PPM1E: variants seen among roughly 807,000 people sequenced by gnomAD.
PPM1E encodes protein phosphatase, Mg2+/Mn2+ dependent 1E.
A neutral mutation model predicts 65.9 loss-of-function variants in PPM1E; 20 were observed. The observed-to-expected ratio is 0.30, with a 90% CI of 0.21 to 0.44. PPM1E has a LOEUF of 0.44. PPM1E is among the 20% of genes least tolerant of loss of function. The pLI is 1.00. For synonymous variants in PPM1E, 352 were observed against 374.9 expected (o/e 0.94, Z 0.70); for missense variants, 713 against 953.1 (o/e 0.75, Z 3.32).
intron 1 of PPM1E, among the ~76,000 whole-genome samples, chr17:58,798,598 A>G (rs558858759): frequency 4.7e-4 from 59 of 125,352 alleles, no homozygotes; most frequent in East Asian, 1.1e-3. Flanking sequence ...ATGAATATCT[A>G]TTTTTTTCTT....
At chr17:58,892,786 G>T (rs888424702) in intron 1 of PPM1E, among the ~76,000 whole-genome samples, 7 of 152,012 alleles carry the variant, frequency 4.6e-5, no homozygotes, top group African/African-American at 1.7e-4. Flanking sequence ...CAAAAGACCT[G>T]AACACACACT....
intron 1 of PPM1E, among the ~76,000 whole-genome samples, chr17:58,813,287 T>C (rs2050387340): frequency 6.6e-6 from 1 of 152,214 alleles, no homozygotes; most frequent in South Asian, 2.1e-4. Context: ...ATGGGATCTT[T>C]TTAGCCTCTT....
intron 1 of PPM1E, among the ~76,000 whole-genome samples, chr17:58,797,327 G>T (rs2050216307): frequency 6.6e-6 from 1 of 152,032 alleles, no homozygotes. Context: ...ATCAGAATTA[G>T]AACATTACTG....
chr17:58,856,142 G>C (rs2050879377), intron 1 of PPM1E, among the ~76,000 whole-genome samples: 1 of 152,172 alleles, frequency 6.6e-6, no homozygotes, highest in African/African-American at 2.4e-5. Flanking sequence ...TTCCATTTAA[G>C]TGGTAATTGT....
intron 1 of PPM1E, among the ~76,000 whole-genome samples, chr17:58,889,723 T>C (rs886238887): frequency 6.6e-6 from 1 of 152,272 alleles, no homozygotes; most frequent in African/African-American, 2.4e-5. Context: ...TCTCCTTCTG[T>C]AAATTTCTAC....
At chr17:58,840,643 A>T (rs1485307859) in intron 1 of PPM1E, among the ~76,000 whole-genome samples, 2 of 152,338 alleles carry the variant, frequency 1.3e-5, no homozygotes, top group African/African-American at 4.8e-5. Context: ...AAAGAAAAAA[A>T]AAAGATCACT....
chr17:58,865,100 C>G (rs932106513), intron 1 of PPM1E, among the ~76,000 whole-genome samples: 2 of 151,290 alleles, frequency 1.3e-5, no homozygotes, highest in African/African-American at 4.9e-5. Context: ...TAAGATTATG[C>G]AATCCTGGGC....
chr17:58,884,465 TTTC>T (rs2051242597), intron 1 of PPM1E, among the ~76,000 whole-genome samples: 1 of 152,246 alleles, frequency 6.6e-6, no homozygotes, highest in African/African-American at 2.4e-5. Context: ...TGTTGCTTTT[TTTC>T]TTCTTCTCTT....
At chr17:58,756,573 A>C (rs978308645) in intron 1 of PPM1E, 112 bp downstream of exon 1, 2 of 1,174,460 alleles carry the variant, frequency 1.7e-6, no homozygotes. Context: ...TCTCCCCCGC[A>C]CCCGCGCCTG....
intron 1 of PPM1E, among the ~76,000 whole-genome samples, chr17:58,787,787 G>A (rs58314353): frequency 1.3e-5 from 2 of 151,462 alleles, no homozygotes; most frequent in Non-Finnish European, 2.9e-5. Flanking sequence ...GGCGCCTGTA[G>A]TCCCAGCTAC....
At chr17:58,837,019 C>CAA (rs761954197) in intron 1 of PPM1E, among the ~76,000 whole-genome samples, 11 of 39,032 alleles carry the variant, frequency 2.8e-4, no homozygotes, top group Middle Eastern at 0.016. Flanking sequence ...AACTCCGTCT[C>CAA]AAAAAAAAAA....
intron 1 of PPM1E, among the ~76,000 whole-genome samples, chr17:58,925,030 A>G (rs1450845869): frequency 6.6e-6 from 1 of 152,162 alleles, no homozygotes; most frequent in Non-Finnish European, 1.5e-5. Context: ...TAGTGCCACA[A>G]TAAACATATG....
At chr17:58,766,174 C>T (rs2049874257) in intron 1 of PPM1E, among the ~76,000 whole-genome samples, 1 of 145,978 alleles carries the variant, frequency 6.9e-6, no homozygotes, top group South Asian at 2.2e-4. Flanking sequence ...GCCACTGCAC[C>T]TGGCTTATTT....
At chr17:58,759,697 G>A (rs554068438) in intron 1 of PPM1E, among the ~76,000 whole-genome samples, 9 of 152,284 alleles carry the variant, frequency 5.9e-5, no homozygotes, top group Admixed American at 5.9e-4. Flanking sequence ...TTCCCAAGGG[G>A]GAAACCAATA....
chr17:58,948,339 C>T (rs1050339093), intron 1 of PPM1E, among the ~76,000 whole-genome samples: 1 of 152,052 alleles, frequency 6.6e-6, no homozygotes, highest in African/African-American at 2.4e-5. Flanking sequence ...ATGCACTCAC[C>T]CAACATCCCC....
At position 58,983,399 on chromosome 17, in the gene PPM1E, T is replaced by C. The variant is rs2031502840; in HGVS notation, c.*2368T>C. On this transcript the variant is annotated 3_prime_UTR_variant, in exon 7 of 7. Transcript: ENST00000308249. ...GTTATTGGTCTGATATATGCTGCTC[T>C]TGGTTCTATAAACTAGATAAAAGCA... The C allele has an allele frequency of 6.5e-6, 1 of 153,316 alleles. No individual in the cohort carries two copies. 9.5% of individuals were successfully genotyped at this position (153,316 alleles called of 1,614,324 possible).
intron 1 of PPM1E, among the ~76,000 whole-genome samples, chr17:58,821,597 C>T (rs918506160): frequency 3.9e-5 from 6 of 152,048 alleles, no homozygotes; most frequent in African/African-American, 1.2e-4. Flanking sequence ...AGTTAGCTTA[C>T]GGCAGGGCAG....
At chr17:58,773,870 G>A (rs945623923) in intron 1 of PPM1E, among the ~76,000 whole-genome samples, 3 of 152,064 alleles carry the variant, frequency 2.0e-5, no homozygotes, top group African/African-American at 7.2e-5. Flanking sequence ...AATAAAAATT[G>A]TAGGTAATTG....
chr17:58,808,426 T>C (rs2050335239), intron 1 of PPM1E, among the ~76,000 whole-genome samples: 1 of 152,196 alleles, frequency 6.6e-6, no homozygotes, highest in Admixed American at 6.5e-5. Flanking sequence ...TATTTCTCCA[T>C]TTATTTAGGT....
Sources: allele counts gnomAD v4.1 joint callset (sites outside exome capture counted in the v4.1 genomes callset), GRCh38; gene constraint gnomAD v4.1.1; transcripts MANE v1.5; gene names NCBI Gene and HGNC (gene_info 2026-07-23, HGNC 2026-07-21).